PTPRT: variants seen among roughly 807,000 people sequenced by gnomAD.
The protein encoded by PTPRT is receptor-type tyrosine-protein phosphatase T.
PTPRT carries 56 observed loss-of-function variants against 176.8 expected under a neutral mutation model. The ratio of observed to expected loss-of-function variants is 0.32; its 90% CI spans 0.26 to 0.40. The LOEUF (loss-of-function observed/expected upper bound fraction) is 0.40. PTPRT is among the 10% of genes least tolerant of loss of function. PTPRT has a pLI of 1.00. For missense variants in PTPRT, 1,540 were observed against 1,908.2 expected (o/e 0.81, Z 3.60); for synonymous variants, 783 against 739.0 (o/e 1.06, Z -0.96).
chr20:42,985,219 G>C (rs554293646), intron 1 of PTPRT, among the ~76,000 whole-genome samples: 1 of 152,118 alleles, frequency 6.6e-6, no homozygotes, highest in Non-Finnish European at 1.5e-5. Context: ...GAATACCGCC[G>C]GGTGTGGTGG....
At chr20:43,029,441 G>T (rs1986046263) in intron 1 of PTPRT, among the ~76,000 whole-genome samples, 1 of 152,230 alleles carries the variant, frequency 6.6e-6, no homozygotes, top group South Asian at 2.1e-4. Context: ...GCAGCTTCCA[G>T]AAACAAATCA....
At chr20:42,217,421 AC>A (rs1223206672) in intron 15 of PTPRT, among the ~76,000 whole-genome samples, 3 of 89,482 alleles carry the variant, frequency 3.4e-5, no homozygotes, top group African/African-American at 1.8e-4. Flanking sequence ...ACACACACAC[AC>A]ACAGAACATT....
chr20:42,403,612 C>T (rs1253562863), intron 9 of PTPRT, among the ~76,000 whole-genome samples: 3 of 152,106 alleles, frequency 2.0e-5, no homozygotes, highest in Non-Finnish European at 4.4e-5. Context: ...TCAATTGCTC[C>T]CTTTAAAATG....
At chr20:42,456,354 T>C (rs1023221489) in intron 8 of PTPRT, among the ~76,000 whole-genome samples, 5 of 152,062 alleles carry the variant, frequency 3.3e-5, no homozygotes, top group Non-Finnish European at 5.9e-5. Context: ...ATAGTTTTGC[T>C]CTTTTCCAAT....
intron 1 of PTPRT, among the ~76,000 whole-genome samples, chr20:43,139,717 A>C (rs2146397349): frequency 6.6e-6 from 1 of 152,276 alleles, no homozygotes; most frequent in African/African-American, 2.4e-5. Context: ...CCCAAGCTGG[A>C]AAACGGTCAC....
chr20:42,177,877 T>A (rs2146572863), intron 16 of PTPRT, among the ~76,000 whole-genome samples: 1 of 149,058 alleles, frequency 6.7e-6, no homozygotes, highest in African/African-American at 2.5e-5. Flanking sequence ...TCCCTTCCTC[T>A]CTCTCTTTTT....
chr20:42,500,337 C>A (rs2071730223), intron 7 of PTPRT, among the ~76,000 whole-genome samples: 1 of 151,868 alleles, frequency 6.6e-6, no homozygotes, highest in African/African-American at 2.4e-5. Flanking sequence ...CCCCCATCAG[C>A]AAGGTAAATG....
intron 1 of PTPRT, among the ~76,000 whole-genome samples, chr20:43,155,146 T>A (rs956476652): frequency 3.3e-5 from 5 of 152,192 alleles, no homozygotes; most frequent in African/African-American, 1.2e-4. Flanking sequence ...TGGAGGTTCC[T>A]CAAAATATTA....
chr20:42,363,273 TATATA>T (rs2058457902), intron 9 of PTPRT, among the ~76,000 whole-genome samples: 10 of 15,870 alleles, frequency 6.3e-4, no homozygotes, highest in African/African-American at 9.3e-4. Context: ...ATTACAATTA[TATATA>T]TATATATATA....
chr20:42,749,375 C>A (rs559890587), intron 6 of PTPRT, among the ~76,000 whole-genome samples: 2 of 152,280 alleles, frequency 1.3e-5, no homozygotes, highest in African/African-American at 4.8e-5. Flanking sequence ...TGGGGCCAGT[C>A]GGAGAGGCTA....
chr20:42,393,732 G>T (rs1439169503), intron 9 of PTPRT, among the ~76,000 whole-genome samples: 1 of 152,214 alleles, frequency 6.6e-6, no homozygotes, highest in Non-Finnish European at 1.5e-5. Context: ...TTGGGTCACT[G>T]ATAAAGTTTT....
chr20:43,088,073 G>A (rs1600703583), intron 1 of PTPRT, among the ~76,000 whole-genome samples: 1 of 152,048 alleles, frequency 6.6e-6, no homozygotes, highest in Non-Finnish European at 1.5e-5. Flanking sequence ...ATGTTGAGAC[G>A]ATGGATATGC....
intron 8 of PTPRT, among the ~76,000 whole-genome samples, chr20:42,465,880 G>A (rs2071093624): frequency 6.6e-6 from 1 of 152,112 alleles, no homozygotes; most frequent in African/African-American, 2.4e-5. Flanking sequence ...CATCACCTAG[G>A]TATTAAGCCC....
At chr20:42,622,010 C>A (rs79645011) in intron 7 of PTPRT, among the ~76,000 whole-genome samples, 2 of 152,282 alleles carry the variant, frequency 1.3e-5, no homozygotes, top group East Asian at 3.9e-4. Context: ...CTAAAAAGTA[C>A]TCTCAGATTC....
chr20:42,737,161 T>C (rs2076553368), intron 6 of PTPRT, among the ~76,000 whole-genome samples: 1 of 152,078 alleles, frequency 6.6e-6, no homozygotes, highest in African/African-American at 2.4e-5. Context: ...CAAGATGAAG[T>C]CCTACTGGAA....
intron 1 of PTPRT, among the ~76,000 whole-genome samples, chr20:42,950,217 C>A (rs1981153904): frequency 6.6e-6 from 1 of 152,214 alleles, no homozygotes; most frequent in African/African-American, 2.4e-5. Flanking sequence ...TCAAACTGAA[C>A]TCCCCACGCC....
Position 42,551,509 on chromosome 20 carries a change from T to G in PTPRT, c.1154-78947A>C, listed in dbSNP as rs140017327. Reference sequence around the variant, plus strand: ...AAATGGATGGCTAAACAGAGATTTTTTTTGTTTGTTTGACTAAGTGCATTT... The same window carrying G: ...AAATGGATGGCTAAACAGAGATTTTGTTTGTTTGTTTGACTAAGTGCATTT... On this transcript the variant is annotated intron_variant, in intron 7 of 30. Transcript: ENST00000373187. 1.9e-4 allele frequency among the ~76,000 whole-genome samples: 29 copies of G among 152,298 alleles called. No homozygotes were observed. In the East Asian group the frequency reaches 1.9e-3, roughly 10 times the overall value.
At chr20:42,092,650 T>A (rs1258043907) in intron 27 of PTPRT, among the ~76,000 whole-genome samples, 1 of 152,200 alleles carries the variant, frequency 6.6e-6, no homozygotes, top group Non-Finnish European at 1.5e-5. Flanking sequence ...CTGGCTGAGA[T>A]GCAGGTTGGG....
At chr20:43,084,029 C>G (rs2011537433) in intron 1 of PTPRT, among the ~76,000 whole-genome samples, 1 of 152,170 alleles carries the variant, frequency 6.6e-6, no homozygotes, top group Non-Finnish European at 1.5e-5. Context: ...TTTTGCTTAT[C>G]CATTTGCCAG....
Sources: gnomAD v4.1 joint callset for allele counts (sites outside exome capture counted in the v4.1 genomes callset) on GRCh38, gnomAD v4.1.1 for gene constraint, MANE v1.5 for transcripts, NCBI Gene and HGNC (gene_info 2026-07-23, HGNC 2026-07-21) for gene names.